Variants in ACTR3C observed in about 807,000 individuals in gnomAD.
ACTR3C encodes the protein actin related protein 3C.
ACTR3C carries 18 observed loss-of-function variants against 26.3 expected under a neutral mutation model. The ratio of observed to expected loss-of-function variants is 0.68; its 90% CI spans 0.47 to 1.01. The LOEUF (loss-of-function observed/expected upper bound fraction) is 1.01, where lower values mean the gene tolerates loss of function less well. Among genes scored for constraint, ACTR3C ranks in the 50% least tolerant of loss-of-function variants. The probability of loss-of-function intolerance (pLI) is 0.00; values close to 1 mark genes in which losing one functional copy is unlikely to be tolerated. For missense variants in ACTR3C, 184 were observed against 250.7 expected, an observed-to-expected ratio of 0.73 and a Z score of 1.80; for synonymous variants, 55 against 94.5, an observed-to-expected ratio of 0.58 and a Z score of 2.42.
chr7:150,148,643 T>C, the ACTR3C span, among the ~76,000 whole-genome samples: 1 of 152,172 alleles, frequency 6.6e-6, no homozygotes. Flanking sequence ...AAATGTGTCA[T>C]TGTTTTACAT....
At chr7:150,176,962 G>A in the ACTR3C span, among the ~76,000 whole-genome samples, 10 of 150,600 alleles carry the variant, frequency 6.6e-5, no homozygotes, top group East Asian at 1.9e-3. Context: ...ATCCTACTTG[G>A]ATAATATCCC....
At chr7:150,284,590 T>C (rs1835617428) in intron 6 of ACTR3C, among the ~76,000 whole-genome samples, 163 bp downstream of exon 6, 1 of 152,138 alleles carries the variant, frequency 6.6e-6, no homozygotes, top group Admixed American at 6.5e-5. Flanking sequence ...AACTGAGTCA[T>C]ATTTCCATTT....
the ACTR3C span, among the ~76,000 whole-genome samples, chr7:149,995,469 A>G: frequency 6.6e-6 from 1 of 152,278 alleles, no homozygotes; most frequent in East Asian, 1.9e-4. Context: ...ACTGAGCTCC[A>G]GGCTCTAGCT....
At chr7:149,906,430 TTTTTTTTTTTTTTTTTTTTTA>T in the ACTR3C span, among the ~76,000 whole-genome samples, 2 of 77,988 alleles carry the variant, frequency 2.6e-5, no homozygotes, top group African/African-American at 7.8e-5. Flanking sequence ...TTTTTTTTTT[TTTTTTTTTTTTTTTTTTTTTA>T]GATGGAGCCT....
the ACTR3C span, among the ~76,000 whole-genome samples, chr7:150,218,949 A>G: frequency 3.3e-5 from 5 of 151,816 alleles, no homozygotes; most frequent in East Asian, 3.9e-4. Context: ...TGTGAAACAT[A>G]TAACTACTCA....
chr7:150,035,669 G>A, the ACTR3C span, among the ~76,000 whole-genome samples: 369 of 135,600 alleles, frequency 2.7e-3, 46 homozygotes, highest in Non-Finnish European at 3.7e-3. Flanking sequence ...TCCTCCAGGT[G>A]GGTCCTAAGG....
chr7:149,901,100 C>T, the ACTR3C span, among the ~76,000 whole-genome samples: 1 of 152,140 alleles, frequency 6.6e-6, no homozygotes, highest in African/African-American at 2.4e-5. Flanking sequence ...TGATGTAGCA[C>T]CGTCAGTTTA....
intron 1 of ACTR3C, among the ~76,000 whole-genome samples, chr7:150,308,187 C>G (rs938894685): frequency 1.3e-5 from 2 of 152,162 alleles, no homozygotes; most frequent in Non-Finnish European, 2.9e-5. Flanking sequence ...TACCACCCCC[C>G]TCTCTTCGAG....
At chr7:150,177,905 C>T in the ACTR3C span, among the ~76,000 whole-genome samples, 1 of 150,672 alleles carries the variant, frequency 6.6e-6, no homozygotes, top group South Asian at 2.1e-4. Flanking sequence ...TACATTGATT[C>T]TTGAAAATTA....
At chr7:149,922,598 G>A in the ACTR3C span, among the ~76,000 whole-genome samples, 8 of 151,754 alleles carry the variant, frequency 5.3e-5, no homozygotes, top group South Asian at 2.1e-4. Context: ...TCCTGCAAAT[G>A]GATCCACACT....
At chr7:150,279,171 C>T (rs554608828) in intron 6 of ACTR3C, among the ~76,000 whole-genome samples, 17 of 152,152 alleles carry the variant, frequency 1.1e-4, no homozygotes, top group Non-Finnish European at 1.5e-4. Context: ...TGCAAGTGGT[C>T]GCCCACACCT....
chr7:150,041,723 CCTCCTGCGATGGGGGTCCTAAGAG>C, the ACTR3C span, among the ~76,000 whole-genome samples: 4 of 141,094 alleles, frequency 2.8e-5, no homozygotes, highest in African/African-American at 1.1e-4. Flanking sequence ...GGTGCCTCCC[CCTCCTGCGATGGGGGTCCTAAGAG>C]CCAGGGGGGG....
chr7:149,955,829 T>C, the ACTR3C span, among the ~76,000 whole-genome samples: 2 of 152,164 alleles, frequency 1.3e-5, no homozygotes, highest in Non-Finnish European at 2.9e-5. Context: ...ACCTGCTCAC[T>C]GAACCCAGCA....
At chr7:150,266,572 T>C (rs1454016847) in intron 6 of ACTR3C, among the ~76,000 whole-genome samples, 6 of 152,098 alleles carry the variant, frequency 3.9e-5, no homozygotes, top group African/African-American at 1.4e-4. Flanking sequence ...AAGAAAAAAG[T>C]TTATAAATGG....
the ACTR3C span, among the ~76,000 whole-genome samples, chr7:150,067,797 G>T: frequency 4.3e-5 from 5 of 117,278 alleles, no homozygotes; most frequent in Non-Finnish European, 1.0e-4. Flanking sequence ...AGGGGGTGGT[G>T]GGGGGGGATG....
the ACTR3C span, among the ~76,000 whole-genome samples, chr7:150,154,543 C>T: frequency 6.6e-6 from 1 of 152,082 alleles, no homozygotes; most frequent in Non-Finnish European, 1.5e-5. Context: ...AATCCCAATC[C>T]TAAATTAGTC....
At chr7:150,117,411 C>T in the ACTR3C span, among the ~76,000 whole-genome samples, 1 of 152,156 alleles carries the variant, frequency 6.6e-6, no homozygotes, top group African/African-American at 2.4e-5. Context: ...GGGTGATCGC[C>T]ATTACTGAGG....
the ACTR3C span, among the ~76,000 whole-genome samples, chr7:150,106,144 A>C: frequency 6.6e-6 from 1 of 151,850 alleles, no homozygotes; most frequent in Non-Finnish European, 1.5e-5. Flanking sequence ...GTTTCCTGCA[A>C]GTCTAAATCC....
chr7:150,050,598 C>T, the ACTR3C span, among the ~76,000 whole-genome samples: 7 of 151,946 alleles, frequency 4.6e-5, no homozygotes, highest in Admixed American at 4.6e-4. Flanking sequence ...GCAGAAGAAA[C>T]GGAGGGCAGG....
Sources: gnomAD v4.1 joint callset for allele counts (sites outside exome capture counted in the v4.1 genomes callset) on GRCh38, gnomAD v4.1.1 for gene constraint, MANE v1.5 for transcripts, NCBI Gene and HGNC (gene_info 2026-07-23, HGNC 2026-07-21) for gene names.